FRZB: variants seen among roughly 807,000 people sequenced by gnomAD.
FRZB encodes frizzled related protein, also known as secreted frizzled-related protein 3.
In FRZB, 34 loss-of-function variants were observed where a neutral mutation model predicts 32.5. The ratio of observed to expected loss-of-function variants is 1.05; its 90% CI spans 0.80 to 1.39. FRZB has a LOEUF of 1.39. Ranked by LOEUF, FRZB falls within the 40% of genes most tolerant of loss-of-function variation. FRZB has a pLI of 0.00. For synonymous variants in FRZB, 170 were observed against 159.2 expected (o/e 1.07, Z -0.51); for missense variants, 423 against 424.8 (o/e 1.00, Z 0.04).
chr2:182,853,089 C>A (rs528770324), intron 2 of FRZB, among the ~76,000 whole-genome samples: 1 of 152,166 alleles, frequency 6.6e-6, no homozygotes, highest in East Asian at 1.9e-4. Flanking sequence ...AATTATATTT[C>A]CTTTTCAGAA....
chr2:182,858,238 T>C (rs7602601), intron 2 of FRZB, among the ~76,000 whole-genome samples: 15,399 of 152,258 alleles, frequency 0.1, 875 homozygotes, highest in Non-Finnish European at 0.12. Flanking sequence ...TGCTCCAAAC[T>C]GGAGACAACC....
At chr2:182,850,274 T>C (rs1274669940) in intron 2 of FRZB, among the ~76,000 whole-genome samples, 2 of 152,216 alleles carry the variant, frequency 1.3e-5, no homozygotes, top group South Asian at 2.1e-4. Context: ...AAGTAGATTA[T>C]TGTTAACTAT....
chr2:182,859,512 G>A (rs919681320), intron 1 of FRZB, among the ~76,000 whole-genome samples: 3 of 152,138 alleles, frequency 2.0e-5, no homozygotes, highest in African/African-American at 7.2e-5. Context: ...GGAACACCGT[G>A]CTGAGAGATG....
At chr2:182,838,098 C>T (rs980941378) in intron 4 of FRZB, 87 bp from the exon 5 acceptor site, 3 of 1,028,332 alleles carry the variant, frequency 2.9e-6, no homozygotes, top group Non-Finnish European at 3.0e-6. Context: ...ACAAGAAAGA[C>T]TTATATGTTT....
At chr2:182,840,601 T>C (rs184102867) in intron 3 of FRZB, among the ~76,000 whole-genome samples, 30 of 152,146 alleles carry the variant, frequency 2.0e-4, no homozygotes, top group Non-Finnish European at 3.2e-4. Flanking sequence ...AAGTAAAATA[T>C]ACTTCCTTTT....
chr2:182,846,649 T>A (rs1261265816), intron 2 of FRZB, among the ~76,000 whole-genome samples: 1 of 152,200 alleles, frequency 6.6e-6, no homozygotes, highest in African/African-American at 2.4e-5. Flanking sequence ...TGAATCCCAA[T>A]TGTCCTCTTT....
intron 2 of FRZB, 140 bp downstream of exon 2, chr2:182,858,644 ATT>A: frequency 3.7e-6 from 2 of 546,184 alleles, no homozygotes; most frequent in Non-Finnish European, 6.3e-6. Context: ...TAAAAATAAA[ATT>A]AATATAAATG....
At chr2:182,838,298 G>T in intron 4 of FRZB, 111 bp downstream of exon 4, 1 of 904,674 alleles carries the variant, frequency 1.1e-6, no homozygotes, top group Non-Finnish European at 1.7e-6. Context: ...TAATCCCCAA[G>T]AAGGTAGACA....
At chr2:182,838,326 G>T (rs535275347) in intron 4 of FRZB, 83 bp downstream of exon 4, 2 of 1,147,262 alleles carry the variant, frequency 1.7e-6, no homozygotes, top group Non-Finnish European at 2.6e-6. Context: ...ATGTAAAAAT[G>T]CGAGGGTAGC....
chr2:182,857,805 C>A (rs1392157787), intron 2 of FRZB, among the ~76,000 whole-genome samples: 1 of 151,932 alleles, frequency 6.6e-6, no homozygotes, highest in Non-Finnish European at 1.5e-5. Flanking sequence ...AAAGAACCCT[C>A]AGAACTCATT....
chr2:182,841,006 C>G (rs1695580145), intron 3 of FRZB, among the ~76,000 whole-genome samples: 1 of 152,072 alleles, frequency 6.6e-6, no homozygotes, highest in Non-Finnish European at 1.5e-5. Flanking sequence ...GTTCAGAAAG[C>G]ATTTTTCAAT....
At chr2:182,863,820 G>A (rs906809616) in intron 1 of FRZB, among the ~76,000 whole-genome samples, 4 of 152,134 alleles carry the variant, frequency 2.6e-5, no homozygotes, top group Non-Finnish European at 5.9e-5. Context: ...ACCCAGCATA[G>A]GGAATGTAAT....
At position 182,866,083 on chromosome 2, in the gene FRZB, T is replaced by C; in HGVS notation, c.470A>G (p.Asp157Gly). 1 of 1,608,772 alleles carries C rather than the reference T, an allele frequency of 6.2e-7. No individual in the cohort carries two copies. The highest frequency in any genetic ancestry group is 8.5e-7 in the Non-Finnish European group (1 of 1,176,114). Residue 157 changes from aspartate (D) to glycine (G), a missense_variant, in exon 1 of 6, where the codon GAC (aspartate) becomes GGC (glycine). Asp to Gly is a moderately conservative substitution (Grantham distance 94). Coordinates refer to ENST00000295113, the MANE Select transcript of FRZB (RefSeq NM_001463.4). The surrounding 1 kb of genome is among the most constrained non-coding windows in gnomAD (Gnocchi z 4.5). ...CISPEAIVTA[D>G]GADFPMDSSN... is the part of the protein sequence containing the mutation. Reference sequence around the variant, plus strand: ...GCCGTGTCAAAACTCACCAGCTCCGTCCGCAGTAACGATGGCCTCGGGAGA... The same window carrying C: ...GCCGTGTCAAAACTCACCAGCTCCGCCCGCAGTAACGATGGCCTCGGGAGA...
chr2:182,857,027 A>G (rs768964460), intron 2 of FRZB, among the ~76,000 whole-genome samples: 8 of 152,198 alleles, frequency 5.3e-5, no homozygotes, highest in Non-Finnish European at 1.0e-4. Context: ...GTGTACATGG[A>G]ACATTCACCA....
chr2:182,865,701 A>G (rs78177114), intron 1 of FRZB, among the ~76,000 whole-genome samples: 7,907 of 152,334 alleles, frequency 0.052, 266 homozygotes, highest in Non-Finnish European at 0.075. Context: ...CCCAATGATT[A>G]TAAACACATT....
chr2:182,848,669 A>G (rs931225817), intron 2 of FRZB, among the ~76,000 whole-genome samples: 25 of 152,208 alleles, frequency 1.6e-4, no homozygotes, highest in Non-Finnish European at 2.8e-4. Flanking sequence ...AATCAACTAT[A>G]TTAAACTAGG....
At position 182,833,654 on chromosome 2, in the gene FRZB, A is replaced by G. The variant is rs1249170415; in HGVS notation, c.*1195T>C. The G allele has an allele frequency of 6.6e-6, 1 of 152,194 alleles. No homozygotes were observed. Among genetic ancestry groups the G allele is most frequent in the East Asian group, 1.9e-4 (1 of 5,182 alleles). The allele number at this position is 152,194 out of a possible 1,614,324, so 9.4% of individuals were successfully genotyped here. On this transcript the variant is annotated 3_prime_UTR_variant, in exon 6 of 6. Coordinates refer to ENST00000295113, the MANE Select transcript of FRZB (RefSeq NM_001463.4). ...CAGCTTGGGTAATGAGAAATGTGCA[A>G]TTGGTTCAAAAGTCGAAATAACCTC...
At chr2:182,846,832 A>G (rs1695646316) in intron 2 of FRZB, among the ~76,000 whole-genome samples, 1 of 152,190 alleles carries the variant, frequency 6.6e-6, no homozygotes, top group Non-Finnish European at 1.5e-5. Flanking sequence ...AAAATTTTTA[A>G]CAGTTCCATA....
intron 1 of FRZB, among the ~76,000 whole-genome samples, chr2:182,861,585 A>G (rs1046787972): frequency 3.3e-5 from 5 of 152,248 alleles, no homozygotes; most frequent in Admixed American, 1.3e-4. Context: ...TCAAGCGACT[A>G]GTTCAGTGTA....
Sources: allele counts gnomAD v4.1 joint callset (sites outside exome capture counted in the v4.1 genomes callset), GRCh38; gene constraint gnomAD v4.1.1; non-coding constraint Gnocchi (gnomAD v3.1); transcripts MANE v1.5; gene names NCBI Gene and HGNC (gene_info 2026-07-23, HGNC 2026-07-21).